ST7L: variants seen among roughly 807,000 people sequenced by gnomAD.
ST7L encodes the protein suppressor of tumorigenicity 7 protein-like.
In ST7L, 57 loss-of-function variants were observed where a neutral mutation model predicts 72.5. That is an observed-to-expected ratio of 0.79 (90% CI 0.64 to 0.98). ST7L has a LOEUF of 0.98. Ranked by LOEUF, ST7L falls within the 50% of genes least tolerant of loss-of-function variation. ST7L has a pLI of 0.00. For synonymous variants in ST7L, 221 were observed against 240.9 expected (o/e 0.92, Z 0.77); for missense variants, 576 against 672.2 (o/e 0.86, Z 1.58).
At chr1:112,615,639 A>G (rs1669750447) in intron 2 of ST7L, among the ~76,000 whole-genome samples, 1 of 152,124 alleles carries the variant, frequency 6.6e-6, no homozygotes, top group Non-Finnish European at 1.5e-5. Context: ...GTGCCTGTGA[A>G]TATCGACTGT....
At chr1:112,618,430 G>C (rs1461094102) in intron 1 of ST7L, 6 of 223,508 alleles carry the variant, frequency 2.7e-5, no homozygotes, top group Non-Finnish European at 3.8e-5. Context: ...TTTAAAACAA[G>C]AGAATCCTCA....
chr1:112,613,541 T>C (rs1344248426), intron 2 of ST7L, among the ~76,000 whole-genome samples: 1 of 152,240 alleles, frequency 6.6e-6, no homozygotes, highest in Non-Finnish European at 1.5e-5. Flanking sequence ...TATATGTATA[T>C]ACAAGTTTGT....
chr1:112,596,467 T>G (rs1293131892), intron 5 of ST7L, among the ~76,000 whole-genome samples: 1 of 152,224 alleles, frequency 6.6e-6, no homozygotes, highest in African/African-American at 2.4e-5. Context: ...CTTCGGTTTC[T>G]TTATTGTTAA....
chr1:112,596,795 G>T (rs1666548105), intron 5 of ST7L, among the ~76,000 whole-genome samples: 1 of 152,014 alleles, frequency 6.6e-6, no homozygotes, highest in Non-Finnish European at 1.5e-5. Flanking sequence ...CCACCATCAT[G>T]CCCAGCTAAT....
At chr1:112,575,099 C>T (rs1053714556) in intron 11 of ST7L, among the ~76,000 whole-genome samples, 7 of 152,054 alleles carry the variant, frequency 4.6e-5, no homozygotes, top group East Asian at 1.9e-4. Context: ...ATTAGCTGGG[C>T]GTGGTGGCGC....
At chr1:112,610,150 T>G (rs575523260) in intron 3 of ST7L, among the ~76,000 whole-genome samples, 1 of 152,254 alleles carries the variant, frequency 6.6e-6, no homozygotes, top group African/African-American at 2.4e-5. Context: ...AAATAGTATG[T>G]AACATTTCTG....
chr1:112,577,313 G>A (rs1376117200), intron 10 of ST7L, among the ~76,000 whole-genome samples: 1 of 151,222 alleles, frequency 6.6e-6, no homozygotes, highest in Non-Finnish European at 1.5e-5. Context: ...TGGATCACCT[G>A]AGCTCAGGAG....
intron 5 of ST7L, among the ~76,000 whole-genome samples, chr1:112,595,906 T>C (rs1021676313): frequency 2.0e-5 from 3 of 152,226 alleles, no homozygotes; most frequent in Non-Finnish European, 4.4e-5. Flanking sequence ...ATATTCTTTT[T>C]CAAAATTCTT....
intron 6 of ST7L, among the ~76,000 whole-genome samples, chr1:112,591,125 G>C (rs113893836): frequency 0.033 from 4,941 of 151,872 alleles, 144 homozygotes; most frequent in African/African-American, 0.075. Flanking sequence ...TAGAGACGGG[G>C]TTTCACCGTG....
intron 3 of ST7L, 44 bp downstream of exon 3, chr1:112,610,797 A>G (rs1190358049): frequency 1.3e-6 from 2 of 1,598,090 alleles, no homozygotes; most frequent in Non-Finnish European, 1.7e-6. Context: ...GCCAAACTCA[A>G]TCTTAAATAC....
rs578226052 is a variant in ST7L, at chr1:112,578,065, A to G, written c.1142+280T>C. ...ATAATCCTCCTACAACCCTCCTGCA[A>G]TATTAGTCTCATTTTACAGATGAAG... On this transcript the variant is annotated intron_variant, in intron 10 of 14. Transcript: ENST00000358039. Among the ~76,000 whole-genome samples, 5 of 152,302 alleles carry G rather than the reference A, an allele frequency of 3.3e-5. No individual in the cohort carries two copies. The South Asian group carries it at 1.0e-3, about 32-fold the overall frequency.
chr1:112,579,240 C>T (rs1327268713), intron 9 of ST7L, among the ~76,000 whole-genome samples: 2 of 151,690 alleles, frequency 1.3e-5, no homozygotes, highest in African/African-American at 2.4e-5. Flanking sequence ...AAAAATTAGC[C>T]GGGTGTGATG....
downstream of ST7L, chr1:112,523,473 C>T (rs1652992186): frequency 1.3e-5 from 2 of 152,184 alleles, no homozygotes; most frequent in African/African-American, 4.8e-5. Flanking sequence ...ATTGGCTTTA[C>T]ACAACTGGCA....
chr1:112,557,196 A>G (rs1391053101), intron 11 of ST7L, among the ~76,000 whole-genome samples: 1 of 152,094 alleles, frequency 6.6e-6, no homozygotes, highest in East Asian at 1.9e-4. Context: ...CAATTTTAGA[A>G]CATTTTCATC....
chr1:112,584,540 T>A (rs1372315709), intron 6 of ST7L, among the ~76,000 whole-genome samples: 1 of 151,746 alleles, frequency 6.6e-6, no homozygotes, highest in African/African-American at 2.4e-5. Context: ...CAGGCTGGAG[T>A]GCAATGGCCC....
intron 10 of ST7L, among the ~76,000 whole-genome samples, chr1:112,578,067 A>AT (rs1663440391): frequency 6.6e-6 from 1 of 152,228 alleles, no homozygotes; most frequent in Admixed American, 6.5e-5. Context: ...CTCCTGCAAT[A>AT]TTAGTCTCAT....
intron 11 of ST7L, among the ~76,000 whole-genome samples, chr1:112,569,974 A>AG (rs1473715342): frequency 3.3e-5 from 5 of 150,904 alleles, no homozygotes; most frequent in Non-Finnish European, 7.4e-5. Context: ...AAAAAAAAAA[A>AG]CAAAAAAACT....
chr1:112,564,635 G>A (rs981268906), intron 11 of ST7L, among the ~76,000 whole-genome samples: 1 of 151,984 alleles, frequency 6.6e-6, no homozygotes, highest in South Asian at 2.1e-4. Context: ...TGGCCAACAT[G>A]GTGAAACCCT....
chr1:112,580,728 T>C (rs1663968953), intron 9 of ST7L, among the ~76,000 whole-genome samples: 1 of 152,028 alleles, frequency 6.6e-6, no homozygotes. Flanking sequence ...ATCGAGACCA[T>C]CCTGGCCAAC....
Sources: gnomAD v4.1 joint callset for allele counts (sites outside exome capture counted in the v4.1 genomes callset) on GRCh38, gnomAD v4.1.1 for gene constraint, MANE v1.5 for transcripts, NCBI Gene and HGNC (gene_info 2026-07-23, HGNC 2026-07-21) for gene names.